The following CDK12 variants were observed in gnomAD, a reference collection of about 807,000 sequenced individuals.
CDK12 encodes cyclin dependent kinase 12, also known as cyclin-dependent kinase 12.
A neutral mutation model predicts 133.8 loss-of-function variants in CDK12; 17 were observed. That is an observed-to-expected ratio of 0.13 (90% CI 0.09 to 0.19). The LOEUF (loss-of-function observed/expected upper bound fraction) is 0.19. CDK12 is among the 10% of genes least tolerant of loss of function. CDK12 has a pLI of 1.00. For synonymous variants in CDK12, 694 were observed against 683.6 expected, an observed-to-expected ratio of 1.02 and a Z score of -0.24; for missense variants, 1,508 against 1,818.7, an observed-to-expected ratio of 0.83 and a Z score of 3.11.
chr17:39,502,547 A>C (rs554077317), intron 6 of CDK12, among the ~76,000 whole-genome samples: 1 of 152,216 alleles, frequency 6.6e-6, no homozygotes, highest in African/African-American at 2.4e-5. Flanking sequence ...CCAATCTTGC[A>C]TGGTTACCTG....
chr17:39,546,692 A>T (rs2055723835), upstream of CDK12: 1 of 152,096 alleles, frequency 6.6e-6, no homozygotes, highest in South Asian at 2.1e-4. Flanking sequence ...TGCTTCCTTC[A>T]TCCCCAATGC....
At chr17:39,521,131 C>G (rs528324187) in intron 11 of CDK12, among the ~76,000 whole-genome samples, 6 of 151,938 alleles carry the variant, frequency 3.9e-5, no homozygotes, top group Admixed American at 3.9e-4. Flanking sequence ...AGGCATGAGC[C>G]ACAGTGCCTG....
chr17:39,533,034 T>G lies in CDK12; in HGVS notation c.*1718T>G, dbSNP rs1004042153. ...ATGTTTCAATGCCAAGTTCTTATTT[T>G]AAAAAATAAAATCTACTTATAAGAG... On this transcript the variant is annotated 3_prime_UTR_variant, in exon 14 of 14. Coordinates refer to ENST00000447079, the MANE Select transcript of CDK12 (RefSeq NM_016507.4). 14 of 230,516 alleles carry G rather than the reference T, an allele frequency of 6.1e-5. No individual in the cohort carries two copies. Among genetic ancestry groups the G allele is most frequent in the Non-Finnish European group, 9.4e-5 (11 of 117,024 alleles). 14.3% of individuals were successfully genotyped at this position (230,516 alleles called of 1,614,324 possible).
Position 39,509,721 on chromosome 17 carries a change from G to A in CDK12, c.2626G>A (p.Ala876Thr), listed in dbSNP as rs1316596403. ...LLNNSGQIKL[A>T]DFGLARLYNS... Reference sequence around the variant, plus strand: ...GTTTTACAGTGGGCAAATCAAACTAGCAGATTTTGGACTTGCTCGGCTCTA... The same window carrying A: ...GTTTTACAGTGGGCAAATCAAACTAACAGATTTTGGACTTGCTCGGCTCTA... Residue 876 changes from alanine (A) to threonine (T), a missense_variant, in exon 7 of 14, where the codon GCA (alanine) becomes ACA (threonine). Physicochemically the swap from Ala to Thr is moderately conservative, Grantham distance 58. Around this residue, in one of 9 missense-constraint regions of CDK12, gnomAD observed 82 missense variants for 201.5 expected, o/e 0.41. Coordinates refer to ENST00000447079, the MANE Select transcript of CDK12 (RefSeq NM_016507.4). 1.9e-6 allele frequency: 3 copies of A among 1,612,976 alleles called. No homozygotes were observed. Among genetic ancestry groups the A allele is most frequent in the African/African-American group, 2.7e-5 (2 of 74,902 alleles).
chr17:39,503,843 G>A (rs1408101088), intron 6 of CDK12, among the ~76,000 whole-genome samples: 5 of 152,208 alleles, frequency 3.3e-5, no homozygotes, highest in Non-Finnish European at 2.9e-5. Flanking sequence ...GGTGGCAAGA[G>A]AGAGAGAAGA....
At chr17:39,523,083 A>T (rs1365527014) in intron 11 of CDK12, among the ~76,000 whole-genome samples, 1 of 152,090 alleles carries the variant, frequency 6.6e-6, no homozygotes, top group Non-Finnish European at 1.5e-5. Context: ...AAGAAATATG[A>T]TCTTTTAATA....
At chr17:39,551,486 A>G (rs1044116661) in intron 2 of CDK12, among the ~76,000 whole-genome samples, 1 of 152,038 alleles carries the variant, frequency 6.6e-6, no homozygotes, top group African/African-American at 2.4e-5. Flanking sequence ...CTAAATGCTG[A>G]GCTTTTTTTT....
chr17:39,494,721 AG>A, intron 5 of CDK12, 27 bp downstream of exon 5: 1 of 1,469,754 alleles, frequency 6.8e-7, no homozygotes, highest in South Asian at 1.3e-5. Context: ...ACATTTTTAC[AG>A]GGTAGACTGG....
chr17:39,505,633 G>A (rs2053065813), intron 6 of CDK12, among the ~76,000 whole-genome samples: 1 of 152,050 alleles, frequency 6.6e-6, no homozygotes. Context: ...ATTATCCTTG[G>A]TCAAGAAAAG....
chr17:39,520,691 TTTGTTG>T (rs35166716), intron 11 of CDK12, among the ~76,000 whole-genome samples: 20 of 150,132 alleles, frequency 1.3e-4, no homozygotes, highest in South Asian at 4.3e-4. Flanking sequence ...CCAGCGTGTT[TTTGTTG>T]TTGTTGTTGT....
At chr17:39,474,592 G>A (rs1451660519) in intron 2 of CDK12, among the ~76,000 whole-genome samples, 3 of 152,076 alleles carry the variant, frequency 2.0e-5, no homozygotes, top group Non-Finnish European at 4.4e-5. Flanking sequence ...TGGGATTACA[G>A]GCATGAACCA....
At chr17:39,553,709 C>A (rs1336675535) in intron 2 of CDK12, among the ~76,000 whole-genome samples, 1 of 152,152 alleles carries the variant, frequency 6.6e-6, no homozygotes, top group Non-Finnish European at 1.5e-5. Context: ...GCTCTGGGGC[C>A]CATTGGGCAC....
downstream of CDK12, among the ~76,000 whole-genome samples, chr17:39,565,875 G>A (rs1388417959): frequency 2.0e-5 from 3 of 152,184 alleles, no homozygotes. Context: ...TCACTAGGAA[G>A]GAGTTCTTCT....
chr17:39,464,600 C>T (rs983859891), intron 1 of CDK12, among the ~76,000 whole-genome samples: 1 of 151,906 alleles, frequency 6.6e-6, no homozygotes, highest in Non-Finnish European at 1.5e-5. Context: ...GGTGTGAGTA[C>T]ATCAAGCTGC....
chr17:39,511,641 G>A lies in CDK12; in HGVS notation c.2768+11G>A, dbSNP rs2053512461. The A allele has an allele frequency of 1.3e-6, 2 of 1,578,980 alleles. No homozygotes were observed. Among genetic ancestry groups the A allele is most frequent in the Non-Finnish European group, 1.7e-6 (2 of 1,150,372 alleles). ...TGTTTGGAGCTGTGGGTAAGGTTCT[G>A]TTAACTTTTTCTTTTGTCTGTAACT... On this transcript the variant is annotated intron_variant, in intron 8 of 13. Coordinates refer to ENST00000447079, the MANE Select transcript of CDK12 (RefSeq NM_016507.4).
chr17:39,511,670 A>G (rs1467766347), intron 8 of CDK12, 40 bp downstream of exon 8: 3 of 1,328,584 alleles, frequency 2.3e-6, no homozygotes, highest in Non-Finnish European at 3.2e-6. Flanking sequence ...TGTAACTTAC[A>G]TACTGTTGAC....
At chr17:39,494,718 T>TA (rs1433219120) in intron 5 of CDK12, 24 bp downstream of exon 5, 1 of 1,522,960 alleles carries the variant, frequency 6.6e-7, no homozygotes, top group Admixed American at 2.0e-5. Context: ...ATCACATTTT[T>TA]ACAGGGTAGA....
chr17:39,470,830 A>G, intron 1 of CDK12, 49 bp from the exon 2 acceptor site: 2 of 1,433,822 alleles, frequency 1.4e-6, no homozygotes, highest in Non-Finnish European at 9.5e-7. Context: ...GTTTTCCTCC[A>G]TATACTACTG....
intron 1 of CDK12, among the ~76,000 whole-genome samples, chr17:39,469,740 C>T (rs1035087561): frequency 2.0e-5 from 3 of 150,848 alleles, no homozygotes; most frequent in Admixed American, 1.3e-4. Context: ...TGGGTTCAAG[C>T]GATTCTCCTG....
Sources: gnomAD v4.1 joint callset for allele counts (sites outside exome capture counted in the v4.1 genomes callset) on GRCh38, gnomAD v4.1.1 for gene constraint, gnomAD v4.1.1 regional missense constraint, MANE v1.5 for transcripts, NCBI Gene and HGNC (gene_info 2026-07-23, HGNC 2026-07-21) for gene names.